Variants in LYPD6 observed in about 807,000 individuals in gnomAD.
LYPD6 encodes LY6/PLAUR domain containing 6.
Under a neutral mutation model 22.7 loss-of-function variants are expected in LYPD6, and 15 were observed. That is an observed-to-expected ratio of 0.66 (90% confidence interval 0.44 to 1.02). LYPD6 has a LOEUF of 1.02. Ranked by LOEUF, LYPD6 falls within the 50% of genes least tolerant of loss-of-function variation. The probability of loss-of-function intolerance (pLI) is 0.00; values close to 1 mark genes in which losing one functional copy is unlikely to be tolerated. For synonymous variants in LYPD6, 72 were observed against 77.5 expected, an observed-to-expected ratio of 0.93 and a Z score of 0.37; for missense variants, 189 against 208.4, an observed-to-expected ratio of 0.91 and a Z score of 0.57.
At chr2:149,353,145 A>G (rs573560260) in intron 1 of LYPD6, among the ~76,000 whole-genome samples, 1 of 152,366 alleles carries the variant, frequency 6.6e-6, no homozygotes, top group South Asian at 2.1e-4. Flanking sequence ...AAATTCTGGC[A>G]TGAGCTGTTG....
chr2:149,406,308 G>C (rs898172781), intron 1 of LYPD6, among the ~76,000 whole-genome samples: 1 of 152,032 alleles, frequency 6.6e-6, no homozygotes, highest in African/African-American at 2.4e-5. Context: ...CTGTCTCGTT[G>C]ATCTGTCTAA....
chr2:149,346,791 C>T (rs1159291556), intron 1 of LYPD6, among the ~76,000 whole-genome samples: 1 of 152,158 alleles, frequency 6.6e-6, no homozygotes, highest in Non-Finnish European at 1.5e-5. Context: ...ACCTCCGCCT[C>T]CCGGGTTCTA....
chr2:149,387,676 CA>C (rs1682217400), intron 1 of LYPD6, among the ~76,000 whole-genome samples: 1 of 152,076 alleles, frequency 6.6e-6, no homozygotes, highest in Non-Finnish European at 1.5e-5. Context: ...TGAGATAGGG[CA>C]GACAATGAGC....
chr2:149,331,742 T>C (rs1559114729), intron 1 of LYPD6, among the ~76,000 whole-genome samples: 1 of 152,206 alleles, frequency 6.6e-6, no homozygotes, highest in Non-Finnish European at 1.5e-5. Flanking sequence ...AGCTTCTTTC[T>C]ATGGTAACCT....
chr2:149,366,601 G>A (rs1376530546), intron 1 of LYPD6, among the ~76,000 whole-genome samples: 3 of 152,130 alleles, frequency 2.0e-5, no homozygotes, highest in Non-Finnish European at 4.4e-5. Flanking sequence ...ACTTGCAGGG[G>A]GTGGAGGTTG....
chr2:149,443,978 G>A (rs1298456988), intron 2 of LYPD6, among the ~76,000 whole-genome samples: 1 of 143,322 alleles, frequency 7.0e-6, no homozygotes, highest in East Asian at 2.0e-4. Context: ...CTGTGGCCCA[G>A]GCTGGAGTGC....
At chr2:149,344,526 A>C (rs991587363) in intron 1 of LYPD6, among the ~76,000 whole-genome samples, 2 of 152,234 alleles carry the variant, frequency 1.3e-5, no homozygotes, top group African/African-American at 2.4e-5. Flanking sequence ...TAAGCAAAGC[A>C]GGGCAATTAA....
At chr2:149,429,359 A>G (rs1428860288) in intron 1 of LYPD6, among the ~76,000 whole-genome samples, 1 of 152,230 alleles carries the variant, frequency 6.6e-6, no homozygotes, top group Non-Finnish European at 1.5e-5. Context: ...AGGGCAGAGC[A>G]AAGTTGAGGG....
rs141036284 is a variant in LYPD6, at chr2:149,356,607, T to C, written c.-72+25885T>C. Among the ~76,000 whole-genome samples the C allele has an allele frequency of 2.8e-3, 429 of 152,318 alleles. 7 individuals are homozygous for C. Among genetic ancestry groups the C allele is most frequent in the Admixed American group, 0.023 (353 of 15,290 alleles). On this transcript the variant is annotated intron_variant, in intron 1 of 4. Coordinates refer to ENST00000334166, the MANE Select transcript of LYPD6 (RefSeq NM_194317.5). The stretch of plus-strand genomic sequence containing the variant: ...GAGGAGAATTTCTGGGTTGGTGATT[T>C]AGAGCAGATCTCTTCTGATCCTTTC...
intron 1 of LYPD6, among the ~76,000 whole-genome samples, chr2:149,395,274 T>C (rs1682405451): frequency 6.6e-6 from 1 of 152,192 alleles, no homozygotes; most frequent in African/African-American, 2.4e-5. Flanking sequence ...TGCCATGTTT[T>C]CATTTTAGTG....
chr2:149,338,706 C>T (rs1681103522), intron 1 of LYPD6, among the ~76,000 whole-genome samples: 1 of 152,048 alleles, frequency 6.6e-6, no homozygotes, highest in African/African-American at 2.4e-5. Flanking sequence ...ATAAATTACC[C>T]CGGCTAAGGC....
chr2:149,430,852 G>A (rs1328476876), intron 1 of LYPD6, among the ~76,000 whole-genome samples: 1 of 152,162 alleles, frequency 6.6e-6, no homozygotes, highest in African/African-American at 2.4e-5. Context: ...TAATTAGGAT[G>A]TAGACTTGTA....
At chr2:149,478,716 A>C (rs1408157951), downstream of LYPD6, among the ~76,000 whole-genome samples, 1 of 152,056 alleles carries the variant, frequency 6.6e-6, no homozygotes. Flanking sequence ...GAGGCACTGC[A>C]CTTGGCTCTG....
At chr2:149,450,612 C>G (rs539566562) in intron 3 of LYPD6, among the ~76,000 whole-genome samples, 1 of 152,128 alleles carries the variant, frequency 6.6e-6, no homozygotes, top group East Asian at 1.9e-4. Flanking sequence ...TCTGAGTAAT[C>G]GAAAATAAGT....
intron 1 of LYPD6, among the ~76,000 whole-genome samples, chr2:149,436,044 G>T (rs961991318): frequency 6.6e-6 from 1 of 152,134 alleles, no homozygotes; most frequent in East Asian, 1.9e-4. Flanking sequence ...AAACAATTGG[G>T]TCTGTTGGGC....
chr2:149,436,728 C>T lies in LYPD6; in HGVS notation c.-71-910C>T, dbSNP rs1202399767. On this transcript the variant is annotated intron_variant, in intron 1 of 4. Coordinates refer to ENST00000334166, the MANE Select transcript of LYPD6 (RefSeq NM_194317.5). ...CCGAGAGTAGCTGAGATTACAGGTG[C>T]CTGCCACCACACCCAACTAATTTTT... Among the ~76,000 whole-genome samples, 4 of 152,100 alleles carry T rather than the reference C, an allele frequency of 2.6e-5. No homozygotes were observed. In the East Asian group the frequency reaches 7.7e-4, roughly 29 times the overall value.
chr2:149,410,935 C>T (rs908009107), intron 1 of LYPD6, among the ~76,000 whole-genome samples: 2 of 152,172 alleles, frequency 1.3e-5, no homozygotes, highest in Non-Finnish European at 2.9e-5. Flanking sequence ...TTTGTAAATG[C>T]TTTCACCATG....
intron 1 of LYPD6, among the ~76,000 whole-genome samples, chr2:149,373,824 G>A (rs1288363886): frequency 6.6e-6 from 1 of 152,180 alleles, no homozygotes; most frequent in East Asian, 1.9e-4. Flanking sequence ...ACATTTAATT[G>A]TATAAGCTTA....
At chr2:149,393,289 G>A (rs1682355222) in intron 1 of LYPD6, among the ~76,000 whole-genome samples, 1 of 152,152 alleles carries the variant, frequency 6.6e-6, no homozygotes, top group Non-Finnish European at 1.5e-5. Flanking sequence ...GGCTGATTTA[G>A]CTCGAAGAGG....
Sources: allele counts gnomAD v4.1 joint callset (sites outside exome capture counted in the v4.1 genomes callset), GRCh38; gene constraint gnomAD v4.1.1; transcripts MANE v1.5; gene names NCBI Gene and HGNC (gene_info 2026-07-23, HGNC 2026-07-21).